Variants in PHLPP1 observed in about 807,000 individuals in gnomAD.
The protein encoded by PHLPP1 is PH domain leucine-rich repeat-containing protein phosphatase 1.
A neutral mutation model predicts 117.2 loss-of-function variants in PHLPP1; 42 were observed. That is an observed-to-expected ratio of 0.36 (90% confidence interval 0.28 to 0.46). The LOEUF (loss-of-function observed/expected upper bound fraction) is 0.46, where lower values mean the gene tolerates loss of function less well. Among genes scored for constraint, PHLPP1 ranks in the 20% least tolerant of loss-of-function variants. The pLI, the probability that PHLPP1 is intolerant of heterozygous loss-of-function variation, is 1.00. For missense variants in PHLPP1, 2,084 were observed against 2,241.9 expected, an observed-to-expected ratio of 0.93 and a Z score of 1.42; for synonymous variants, 1,042 against 970.7, an observed-to-expected ratio of 1.07 and a Z score of -1.37.
chr18:62,901,434 G>A (rs1916722819), intron 6 of PHLPP1, among the ~76,000 whole-genome samples: 1 of 152,108 alleles, frequency 6.6e-6, no homozygotes, highest in African/African-American at 2.4e-5. Flanking sequence ...ATTGGAAAAG[G>A]CCATATGCTG....
chr18:62,945,037 C>A, intron 11 of PHLPP1, 72 bp from the exon 12 acceptor site: 7 of 1,126,020 alleles, frequency 6.2e-6, no homozygotes, highest in Non-Finnish European at 8.5e-6. Flanking sequence ...AAAGTCATAG[C>A]AATTTAATTC....
At chr18:62,765,676 A>T (rs185019638) in intron 1 of PHLPP1, among the ~76,000 whole-genome samples, 1 of 152,236 alleles carries the variant, frequency 6.6e-6, no homozygotes, top group East Asian at 1.9e-4. Context: ...TGTGTTCTCA[A>T]AAAGGGTAAG....
At chr18:62,806,136 T>G (rs983988871) in intron 1 of PHLPP1, among the ~76,000 whole-genome samples, 1 of 152,140 alleles carries the variant, frequency 6.6e-6, no homozygotes, top group African/African-American at 2.4e-5. Flanking sequence ...ATCCTTACCC[T>G]GAGAAGTGCT....
chr18:62,951,718 A>G (rs1034411159), intron 12 of PHLPP1, among the ~76,000 whole-genome samples: 1 of 152,006 alleles, frequency 6.6e-6, no homozygotes. Flanking sequence ...TTCCCTTCTC[A>G]ATCTGAGTAA....
intron 2 of PHLPP1, among the ~76,000 whole-genome samples, chr18:62,836,472 TAAATAAATAAATAAAA>T (rs1287243121): frequency 3.2e-4 from 46 of 142,952 alleles, no homozygotes; most frequent in East Asian, 2.6e-3. Context: ...AATAAATAAA[TAAATAAATAAATAAAA>T]ATAAATTACT....
chr18:62,921,031 C>T (rs1909452259), intron 10 of PHLPP1, among the ~76,000 whole-genome samples: 1 of 152,114 alleles, frequency 6.6e-6, no homozygotes. Context: ...TTAAATGAAG[C>T]TCTGTTATTT....
chr18:62,876,594 A>C (rs1328884755), intron 4 of PHLPP1, among the ~76,000 whole-genome samples: 1 of 152,258 alleles, frequency 6.6e-6, no homozygotes, highest in African/African-American at 2.4e-5. Context: ...GATAATCAAA[A>C]TAATGTGATC....
At chr18:62,917,395 T>TG (rs769875130) in intron 9 of PHLPP1, among the ~76,000 whole-genome samples, 9,168 of 135,468 alleles carry the variant, frequency 0.068, 410 homozygotes, top group Non-Finnish European at 0.099. Flanking sequence ...AACAGTATTC[T>TG]TTGTGTGTGT....
intron 1 of PHLPP1, among the ~76,000 whole-genome samples, chr18:62,809,174 C>CA (rs1914042207): frequency 1.3e-5 from 2 of 152,114 alleles, no homozygotes; most frequent in South Asian, 4.2e-4. Context: ...TCGTTTCAAA[C>CA]AAAAAAATAA....
chr18:62,806,342 G>A lies in PHLPP1; in HGVS notation c.1577-23693G>A, dbSNP rs73465081. ...CAAAAAGGATTTACTGATACATTTGGAAGGAAAGGAAACATTCTCTGTTAT... is the reference window on the plus strand; with the variant it reads ...CAAAAAGGATTTACTGATACATTTGAAAGGAAAGGAAACATTCTCTGTTAT... On this transcript the variant is annotated intron_variant, in intron 1 of 16. Transcript: ENST00000262719. Among the ~76,000 whole-genome samples the A allele has an allele frequency of 6.8e-3, 1,034 of 152,242 alleles. 18 individuals carry two copies. Among genetic ancestry groups the A allele is most frequent in the African/African-American group, 0.024 (989 of 41,550 alleles).
intron 2 of PHLPP1, among the ~76,000 whole-genome samples, chr18:62,836,061 G>A (rs1914887293): frequency 6.6e-6 from 1 of 151,848 alleles, no homozygotes; most frequent in African/African-American, 2.4e-5. Context: ...GATTATAGGG[G>A]TGAGCCACCG....
chr18:62,941,640 C>A, intron 10 of PHLPP1, 78 bp from the exon 11 acceptor site: 1 of 977,288 alleles, frequency 1.0e-6, no homozygotes, highest in Non-Finnish European at 1.6e-6. Context: ...TTCTAATATG[C>A]CTGGTATCAA....
In PHLPP1 at chr18:62,788,734, T is replaced by G. The variant is rs1262377855; in HGVS notation, c.1577-41301T>G. 3.9e-5 allele frequency among the ~76,000 whole-genome samples: 6 copies of G among 152,358 alleles called. No homozygotes were observed. In the East Asian group the frequency reaches 5.8e-4, roughly 15 times the overall value. On this transcript the variant is annotated intron_variant, in intron 1 of 16. Coordinates refer to ENST00000262719, the MANE Select transcript of PHLPP1 (RefSeq NM_194449.4). ...ACTGTACAACTTGTCTTTTTGGTAC[T>G]GGTTGGATAAACCAAGAACAGAGTA...
intron 4 of PHLPP1, among the ~76,000 whole-genome samples, chr18:62,882,355 GC>G (rs1220274353): frequency 6.7e-6 from 1 of 150,174 alleles, no homozygotes; most frequent in African/African-American, 2.5e-5. Context: ...TGCAAGCTCT[GC>G]CTCCCAGGTT....
intron 10 of PHLPP1, among the ~76,000 whole-genome samples, chr18:62,933,021 A>T (rs542261086): frequency 6.6e-6 from 1 of 152,290 alleles, no homozygotes; most frequent in East Asian, 1.9e-4. Context: ...AATAGCAAAA[A>T]AATGAAATAA....
intron 1 of PHLPP1, among the ~76,000 whole-genome samples, chr18:62,739,491 G>C (rs939470787): frequency 6.6e-6 from 1 of 152,096 alleles, no homozygotes; most frequent in African/African-American, 2.4e-5. Context: ...ACAGTTCATT[G>C]ATTGGTACCC....
chr18:62,902,327 T>C (rs1372705100), intron 6 of PHLPP1, among the ~76,000 whole-genome samples: 3 of 152,220 alleles, frequency 2.0e-5, no homozygotes, highest in Non-Finnish European at 2.9e-5. Flanking sequence ...TATCAAGCAG[T>C]ATTTTATAGA....
chr18:62,964,316 C>T (rs1371528550), intron 14 of PHLPP1, among the ~76,000 whole-genome samples: 1 of 152,208 alleles, frequency 6.6e-6, no homozygotes, highest in African/African-American at 2.4e-5. Context: ...AACCTAGACT[C>T]ATTAAATCAG....
At chr18:62,866,794 T>C (rs1263578197) in intron 4 of PHLPP1, among the ~76,000 whole-genome samples, 1 of 152,192 alleles carries the variant, frequency 6.6e-6, no homozygotes, top group Non-Finnish European at 1.5e-5. Flanking sequence ...GTCACCGACT[T>C]GATCCCCCAT....
Sources: gnomAD v4.1 joint callset for allele counts (sites outside exome capture counted in the v4.1 genomes callset) on GRCh38, gnomAD v4.1.1 for gene constraint, MANE v1.5 for transcripts, NCBI Gene and HGNC (gene_info 2026-07-23, HGNC 2026-07-21) for gene names.